TSEN2: variants seen among roughly 807,000 people sequenced by gnomAD.
The protein encoded by TSEN2 is tRNA-splicing endonuclease subunit Sen2.
TSEN2 carries 54 observed loss-of-function variants against 59.2 expected under a neutral mutation model. That is an observed-to-expected ratio of 0.91 (90% CI 0.73 to 1.14). TSEN2 has a LOEUF of 1.14. TSEN2 is among the 50% of genes most tolerant of loss of function. The probability of loss-of-function intolerance (pLI) is 0.00; values close to 1 mark genes in which losing one functional copy is unlikely to be tolerated. For missense variants in TSEN2, 636 were observed against 576.2 expected, an observed-to-expected ratio of 1.10 and a Z score of -1.06; for synonymous variants, 195 against 198.2, an observed-to-expected ratio of 0.98 and a Z score of 0.14.
chr3:12,505,316 C>A, intron 6 of TSEN2, 85 bp downstream of exon 6: 2 of 852,170 alleles, frequency 2.3e-6, no homozygotes, highest in Non-Finnish European at 4.1e-6. Context: ...CAGTGTAGTT[C>A]TGTATGTAAT....
intron 7 of TSEN2, among the ~76,000 whole-genome samples, chr3:12,517,357 C>CATAAAAAAAAAAA (rs2056236072): frequency 1.2e-5 from 1 of 81,506 alleles, no homozygotes; most frequent in Non-Finnish European, 2.1e-5. Context: ...GACTCTGTCT[C>CATAAAAAAAAAAA]AAAAAAAAAA....
In TSEN2 at chr3:12,484,536, G is replaced by A. The variant is rs2052386686; in HGVS notation, c.-362G>A. 1 of 152,300 alleles carries A rather than the reference G, an allele frequency of 6.6e-6. No homozygotes were observed. The highest frequency in any genetic ancestry group is 2.4e-5 in the African/African-American group (1 of 41,482). 9.4% of individuals were successfully genotyped at this position (152,300 alleles called of 1,614,324 possible). On this transcript the variant is annotated 5_prime_UTR_variant, in exon 1 of 12. Coordinates refer to ENST00000284995, the MANE Select transcript of TSEN2 (RefSeq NM_025265.4). ...AAGAAAGGTAAGGGCCCTGGGCGAG[G>A]AAAGCGCGGCCCTTTCCGAGTTTGG...
upstream of TSEN2, among the ~76,000 whole-genome samples, chr3:12,482,883 A>T (rs560902522): frequency 1.3e-5 from 2 of 152,164 alleles, no homozygotes; most frequent in Non-Finnish European, 2.9e-5. Context: ...CCCCTGCCCA[A>T]TCCATCCTGT....
rs2053286479 is a variant in TSEN2, at chr3:12,492,223, G to T, written c.271+6G>T. The stretch of plus-strand genomic sequence containing the variant: ...ACTGGTTGCTAAATGGAAAGGTAAA[G>T]TTGTTGTATCATTCAGTTCTTTTGA... On this transcript the variant is annotated splice_donor_region_variant and intron_variant, in intron 3 of 11. Transcript: ENST00000284995. The T allele has an allele frequency of 6.2e-7, 1 of 1,607,288 alleles. No individual in the cohort carries two copies. Among genetic ancestry groups the T allele is most frequent in the South Asian group, 1.1e-5 (1 of 90,998 alleles).
chr3:12,534,666 G>A (rs2454442), downstream of TSEN2, among the ~76,000 whole-genome samples: 61,130 of 151,808 alleles, frequency 0.4, 13,471 homozygotes, highest in African/African-American at 0.58. Flanking sequence ...TAGCTCAGGC[G>A]TGGTGGCAGG....
Position 12,529,897 on chromosome 3 carries a change from T to C in TSEN2, c.1248+24T>C, listed in dbSNP as rs756066385. On this transcript the variant is annotated intron_variant, in intron 10 of 11. Coordinates refer to ENST00000284995, the MANE Select transcript of TSEN2 (RefSeq NM_025265.4). ...AGGTAACACAACATCAGCTTTGCCA[T>C]TGGAGTGTCACTTAAATGGTTCAGT... 3.2e-5 allele frequency: 52 copies of C among 1,611,612 alleles called. No homozygotes were observed. The Admixed American group carries it at 3.4e-4, about 10-fold the overall frequency.
downstream of TSEN2, among the ~76,000 whole-genome samples, chr3:12,538,473 TC>T (rs1168774012): frequency 2.0e-5 from 3 of 152,278 alleles, no homozygotes; most frequent in African/African-American, 7.2e-5. Context: ...GATTGGCTGA[TC>T]TGAAGTTTCA....
chr3:12,491,327 G>A (rs549324530), intron 2 of TSEN2, among the ~76,000 whole-genome samples: 2 of 152,176 alleles, frequency 1.3e-5, no homozygotes, highest in African/African-American at 4.8e-5. Context: ...TGGAGAAAGG[G>A]GTGTTTGTTT....
At position 12,532,666 on chromosome 3, in the gene TSEN2, T is replaced by C. The variant is rs1278128267; in HGVS notation, c.1343T>C (p.Val448Ala). ...CTTTTTTTTTATTGGTTGTAGGAGG[T>C]GATTCTGAGTCGATGGGTTTCTTCA... ...ECMKRIKVQE[V>A]ILSRWVSSRE... The change falls in exon 12 of 12, where the codon GTG becomes GCG. Residue 448 changes from valine to alanine, a missense_variant. Val to Ala is a moderately conservative substitution (Grantham distance 64, BLOSUM62 0). Coordinates refer to ENST00000284995, the MANE Select transcript of TSEN2 (RefSeq NM_025265.4). The C allele has an allele frequency of 6.2e-7, 1 of 1,614,004 alleles. No individual in the cohort carries two copies. The highest frequency in any genetic ancestry group is 1.7e-5 in the Admixed American group (1 of 60,000).
intron 8 of TSEN2, among the ~76,000 whole-genome samples, chr3:12,526,952 A>G (rs143648585): frequency 1.3e-5 from 2 of 152,332 alleles, no homozygotes; most frequent in Admixed American, 6.5e-5. Context: ...AAAGATCTCA[A>G]TTTCCCCTGA....
intron 10 of TSEN2, 193 bp from the exon 11 acceptor site, chr3:12,531,377 C>G (rs1010573450): frequency 1.7e-6 from 1 of 590,138 alleles, no homozygotes; most frequent in Non-Finnish European, 3.0e-6. Flanking sequence ...TCAGTGATTA[C>G]TAAACGGCAG....
At chr3:12,512,710 C>T (rs1023315940) in intron 6 of TSEN2, among the ~76,000 whole-genome samples, 2 of 152,268 alleles carry the variant, frequency 1.3e-5, no homozygotes, top group African/African-American at 4.8e-5. Flanking sequence ...ATCTTCCTTA[C>T]CTCTGCTTTT....
rs2053280821 is a variant in TSEN2, at chr3:12,492,146, G to A, written c.200G>A (p.Gly67Glu). The A allele has an allele frequency of 1.9e-6, 3 of 1,613,870 alleles. No individual in the cohort carries two copies. ...IEQLYGKGYF[G>E]KGILSRSRPS... ...CTCTCTTCCTGGAAGGGTTATTTTG[G>A]AAAAGGTATTCTTTCAAGAAGCCGT... Residue 67 changes from glycine to glutamate, a missense_variant, in exon 3 of 12, where the codon GGA becomes GAA. By Grantham distance (98) the Gly-to-Glu change is moderately conservative. Coordinates refer to ENST00000284995, the MANE Select transcript of TSEN2 (RefSeq NM_025265.4).
At chr3:12,483,393 A>G (rs2052282934), upstream of TSEN2, among the ~76,000 whole-genome samples, 1 of 152,204 alleles carries the variant, frequency 6.6e-6, no homozygotes, top group South Asian at 2.1e-4. Context: ...TCAAAAAATA[A>G]AAAGGGCCAG....
intron 8 of TSEN2, among the ~76,000 whole-genome samples, chr3:12,522,821 A>G (rs1464055052): frequency 6.6e-6 from 1 of 152,152 alleles, no homozygotes; most frequent in Non-Finnish European, 1.5e-5. Flanking sequence ...GCAGCTGCCA[A>G]CCTAGTTGAC....
Position 12,492,180 on chromosome 3 carries a change from C to T in TSEN2, c.234C>T (p.Phe78=), listed in dbSNP as rs771345194. ...TTCTTTCAAGAAGCCGTCCAAGCTT[C>T]ACAATTTCAGATCCTAAACTGGTTG... ...KGILSRSRPS[F]TISDPKLVAK... Residue 78 remains phenylalanine (F), a synonymous_variant, in exon 3 of 12, where the codon TTC becomes TTT. Transcript: ENST00000284995. The T allele has an allele frequency of 3.7e-6, 6 of 1,614,046 alleles. No homozygotes were observed. In the African/African-American group the frequency reaches 6.7e-5, roughly 18 times the overall value.
At chr3:12,501,227 A>G (rs1046157470) in intron 4 of TSEN2, among the ~76,000 whole-genome samples, 3 of 152,210 alleles carry the variant, frequency 2.0e-5, no homozygotes, top group African/African-American at 7.2e-5. Flanking sequence ...AATACATAAC[A>G]AGATCCCTTT....
intron 8 of TSEN2, among the ~76,000 whole-genome samples, chr3:12,519,684 T>G (rs1310376700): frequency 6.6e-6 from 1 of 151,886 alleles, no homozygotes; most frequent in Admixed American, 6.6e-5. Flanking sequence ...AGGCAGAACT[T>G]GCAGTGAGCC....
intron 10 of TSEN2, chr3:12,539,137 C>CT (rs577901176): frequency 0.032 from 10,443 of 324,230 alleles, 1 homozygote; most frequent in South Asian, 0.057. Context: ...GTGCTTTTTT[C>CT]TTTTTTTTTT....
Sources: gnomAD v4.1 joint callset for allele counts (sites outside exome capture counted in the v4.1 genomes callset) on GRCh38, gnomAD v4.1.1 for gene constraint, MANE v1.5 for transcripts, NCBI Gene and HGNC (gene_info 2026-07-23, HGNC 2026-07-21) for gene names.